Variants in SYCP2L observed in about 807,000 individuals in gnomAD.
SYCP2L encodes synaptonemal complex protein 2 like, also known as synaptonemal complex protein 2-like.
Under a neutral mutation model 125.8 loss-of-function variants are expected in SYCP2L, and 98 were observed. The ratio of observed to expected loss-of-function variants is 0.78; its 90% confidence interval spans 0.66 to 0.92. The LOEUF is 0.92. Ranked by LOEUF, SYCP2L falls within the 40% of genes least tolerant of loss-of-function variation. The pLI, the probability that SYCP2L is intolerant of heterozygous loss-of-function variation, is 0.00. For missense variants in SYCP2L, 842 were observed against 936.4 expected, an observed-to-expected ratio of 0.90 and a Z score of 1.32; for synonymous variants, 317 against 325.4, an observed-to-expected ratio of 0.97 and a Z score of 0.28.
At chr6:10,924,144 T>C (rs940982847) in intron 14 of SYCP2L, among the ~76,000 whole-genome samples, 1 of 152,176 alleles carries the variant, frequency 6.6e-6, no homozygotes, top group Non-Finnish European at 1.5e-5. Flanking sequence ...TTGTGCATAG[T>C]ATATTTGGGA....
In SYCP2L at chr6:10,963,813, C is replaced by CA; in HGVS notation, c.*10dup. 6.2e-7 allele frequency: 1 copy of CA among 1,613,862 alleles called. No homozygotes were observed. The highest frequency in any genetic ancestry group is 8.5e-7 in the Non-Finnish European group (1 of 1,179,858). ...TTCAACTCAGACTTCATAAGAAAGC[C>CA]AAAGCCTGGTTTTATGATTGCAGCC... is the stretch of plus-strand genomic sequence containing the variant. On this transcript the variant is annotated 3_prime_UTR_variant, in exon 29 of 30. Coordinates refer to ENST00000283141, the MANE Select transcript of SYCP2L (RefSeq NM_001040274.3).
chr6:10,949,373 T>C (rs954455244), intron 23 of SYCP2L, among the ~76,000 whole-genome samples: 1 of 152,182 alleles, frequency 6.6e-6, no homozygotes, highest in African/African-American at 2.4e-5. Context: ...ACCCAGTTAT[T>C]TAGTAAAATT....
Position 10,928,427 on chromosome 6 carries a change from G to A in SYCP2L, c.1465G>A (p.Val489Ile). The change falls in exon 18 of 30, where the codon GTC (valine) becomes ATC (isoleucine). Residue 489 changes from valine to isoleucine, a missense_variant. Transcript: ENST00000283141. Reference protein sequence around the residue: ...SHLQPVPPFGVPDFPQQPKSH... With the variant: ...SHLQPVPPFGIPDFPQQPKSH... ...GCTTCAGCCGGTCCCTCCGTTCGGG[G>A]TCCCTGACTTCCCGCAACAACCTGT... 3.2e-6 allele frequency: 5 copies of A among 1,584,364 alleles called. No homozygotes were observed. The highest frequency in any genetic ancestry group is 4.3e-6 in the Non-Finnish European group (5 of 1,166,262).
intron 12 of SYCP2L, among the ~76,000 whole-genome samples, chr6:10,911,587 G>C (rs1403576565): frequency 6.6e-6 from 1 of 152,150 alleles, no homozygotes; most frequent in Non-Finnish European, 1.5e-5. Flanking sequence ...GAGTCTGGTA[G>C]GCTGATTCTT....
chr6:10,941,626 G>C (rs535930413), intron 21 of SYCP2L, among the ~76,000 whole-genome samples: 2 of 152,172 alleles, frequency 1.3e-5, no homozygotes, highest in Non-Finnish European at 2.9e-5. Flanking sequence ...TTAGAATGGC[G>C]ATCATTAAAA....
chr6:10,906,751 C>G (rs1238757109), intron 9 of SYCP2L, among the ~76,000 whole-genome samples: 1 of 151,850 alleles, frequency 6.6e-6, no homozygotes, highest in Non-Finnish European at 1.5e-5. Flanking sequence ...GCACGCACCG[C>G]CACACCTGGC....
Position 10,902,714 on chromosome 6 carries a change from A to G in SYCP2L, c.504A>G (p.Leu168=), listed in dbSNP as rs137946869. The G allele has an allele frequency of 1.4e-3, 2,324 of 1,614,090 alleles. 35 individuals are homozygous for G. In the African/African-American group the frequency reaches 0.028, roughly 20 times the overall value. ...TGTTGGATTCCTTCCTACTTAGCTT[A>G]GGATTCCTGGTGACAGAAAAGACTG... The part of the protein sequence containing the change: ...IQMLDSFLLS[L]GFLVTEKTVN... The change falls in exon 7 of 30, where the codon TTA becomes TTG. Residue 168 remains leucine (L), a synonymous_variant. Transcript: ENST00000283141.
intron 6 of SYCP2L, 132 bp from the exon 7 acceptor site, chr6:10,902,545 C>A: frequency 1.4e-6 from 1 of 701,220 alleles, no homozygotes; most frequent in Non-Finnish European, 2.4e-6. Context: ...TTGTAAGAGG[C>A]ACAGCCTGCA....
chr6:10,921,075 A>C (rs6907413), intron 14 of SYCP2L, among the ~76,000 whole-genome samples: 7,657 of 152,102 alleles, frequency 0.05, 627 homozygotes, highest in African/African-American at 0.17. Flanking sequence ...TGTTCCCCGC[A>C]ATGTGTCCAT....
intron 20 of SYCP2L, among the ~76,000 whole-genome samples, chr6:10,934,575 G>A (rs1274486327): frequency 6.6e-6 from 1 of 152,248 alleles, no homozygotes; most frequent in Non-Finnish European, 1.5e-5. Flanking sequence ...AGCTACTCAT[G>A]AGGCTGAGGC....
chr6:10,894,225 T>G, intron 4 of SYCP2L, 21 bp downstream of exon 4: 1 of 1,609,762 alleles, frequency 6.2e-7, no homozygotes, highest in South Asian at 1.1e-5. Context: ...TATTTTAATT[T>G]TATATGGCTT....
intron 25 of SYCP2L, among the ~76,000 whole-genome samples, chr6:10,957,610 C>G (rs190236883): frequency 3.2e-4 from 48 of 152,210 alleles, no homozygotes; most frequent in African/African-American, 1.1e-3. Flanking sequence ...GCCAGGAGTT[C>G]AAGATCAGCC....
At chr6:10,910,782 T>G (rs992511774) in intron 11 of SYCP2L, 42 bp from the exon 12 acceptor site, 1 of 1,604,744 alleles carries the variant, frequency 6.2e-7, no homozygotes, top group African/African-American at 1.3e-5. Flanking sequence ...GTGTTTAAGA[T>G]TCATTCATGT....
chr6:10,893,737 A>T (rs1276332655), intron 2 of SYCP2L, 130 bp from the exon 3 acceptor site: 2 of 1,030,778 alleles, frequency 1.9e-6, no homozygotes, highest in African/African-American at 1.6e-5. Flanking sequence ...TTCAAGATAG[A>T]GATCTCCATT....
chr6:10,972,319 T>A (rs554718821), intron 29 of SYCP2L, among the ~76,000 whole-genome samples: 40 of 152,336 alleles, frequency 2.6e-4, no homozygotes, highest in African/African-American at 8.9e-4. Context: ...TAATCTGGGC[T>A]AAGAATATTG....
intron 1 of SYCP2L, among the ~76,000 whole-genome samples, chr6:10,890,619 A>G (rs1780156350): frequency 6.6e-6 from 1 of 152,150 alleles, no homozygotes; most frequent in Non-Finnish European, 1.5e-5. Context: ...ATAGTTTGCA[A>G]ATATATTCTC....
chr6:10,947,721 GATA>G (rs1781340886), intron 23 of SYCP2L, among the ~76,000 whole-genome samples: 1 of 151,964 alleles, frequency 6.6e-6, no homozygotes, highest in Non-Finnish European at 1.5e-5. Flanking sequence ...CTCCCCTTCT[GATA>G]CTTACATCTC....
intron 20 of SYCP2L, 51 bp from the exon 21 acceptor site, chr6:10,935,007 A>G: frequency 2.1e-6 from 3 of 1,458,148 alleles, no homozygotes; most frequent in Non-Finnish European, 2.8e-6. Flanking sequence ...TATTTTGATA[A>G]CTTGTTTTTA....
chr6:10,896,123 G>A lies in SYCP2L; in HGVS notation c.337-1888G>A, dbSNP rs1048396227. Among the ~76,000 whole-genome samples the A allele has an allele frequency of 5.3e-5, 8 of 152,276 alleles. No homozygotes were observed. In the East Asian group the frequency reaches 1.5e-3, roughly 29 times the overall value. Reference sequence around the variant, plus strand: ...ATGGTGTCACTGCACTCCAGTCTGCGTGACAGAGTGAGACCCTGTCTCCAA... The same window carrying A: ...ATGGTGTCACTGCACTCCAGTCTGCATGACAGAGTGAGACCCTGTCTCCAA... On this transcript the variant is annotated intron_variant, in intron 4 of 29. Transcript: ENST00000283141.
Sources: allele counts gnomAD v4.1 joint callset (sites outside exome capture counted in the v4.1 genomes callset), GRCh38; gene constraint gnomAD v4.1.1; transcripts MANE v1.5; gene names NCBI Gene and HGNC (gene_info 2026-07-23, HGNC 2026-07-21).